WWOX: variants seen among roughly 807,000 people sequenced by gnomAD.
WWOX encodes the protein WW domain-containing oxidoreductase.
In WWOX, 69 loss-of-function variants were observed where a neutral mutation model predicts 46.2. The ratio of observed to expected loss-of-function variants is 1.49; its 90% CI spans 1.23 to 1.82. WWOX has a LOEUF of 1.82. Ranked by LOEUF, WWOX falls within the 40% of genes most tolerant of loss-of-function variation. The pLI is 0.00. For missense variants in WWOX, 919 were observed against 542.6 expected, an observed-to-expected ratio of 1.69 and a Z score of -6.89; for synonymous variants, 359 against 202.6, an observed-to-expected ratio of 1.77 and a Z score of -6.56.
At chr16:79,116,590 C>G (rs1302581432) in intron 8 of WWOX, among the ~76,000 whole-genome samples, 2 of 152,188 alleles carry the variant, frequency 1.3e-5, no homozygotes, top group Non-Finnish European at 2.9e-5. Flanking sequence ...AATTTAGTCA[C>G]ATCATCAGGC....
intron 8 of WWOX, among the ~76,000 whole-genome samples, chr16:78,672,887 C>T (rs1333369597): frequency 6.6e-6 from 1 of 152,142 alleles, no homozygotes; most frequent in African/African-American, 2.4e-5. Flanking sequence ...AAAAGTAAAG[C>T]AATACATCCT....
chr16:78,897,420 A>G (rs1266805652), intron 8 of WWOX: 2 of 151,946 alleles, frequency 1.3e-5, no homozygotes, highest in Non-Finnish European at 2.9e-5. Flanking sequence ...TAGAAATCAT[A>G]CCTACTGCTT....
intron 8 of WWOX, among the ~76,000 whole-genome samples, chr16:79,177,122 C>T (rs11645061): frequency 6.6e-6 from 1 of 152,228 alleles, no homozygotes; most frequent in African/African-American, 2.4e-5. Context: ...ACAAGTCCTT[C>T]TGAGGCACTG....
intron 8 of WWOX, among the ~76,000 whole-genome samples, chr16:78,660,194 T>C (rs1290800997): frequency 6.6e-6 from 1 of 152,182 alleles, no homozygotes; most frequent in Non-Finnish European, 1.5e-5. Flanking sequence ...AATTACAGGT[T>C]ATATAAAATA....
intron 8 of WWOX, among the ~76,000 whole-genome samples, chr16:78,817,132 A>G (rs944948116): frequency 1.9e-5 from 2 of 103,088 alleles, no homozygotes; most frequent in Admixed American, 1.0e-4. Context: ...TTGCTTAAAC[A>G]TTTTCCTGTT....
chr16:79,074,628 G>C (rs1040983171), intron 8 of WWOX, among the ~76,000 whole-genome samples: 2 of 151,572 alleles, frequency 1.3e-5, no homozygotes, highest in African/African-American at 4.8e-5. Flanking sequence ...AAGAACCTAA[G>C]AGTCTCCATG....
intron 8 of WWOX, among the ~76,000 whole-genome samples, chr16:78,679,105 G>A (rs1186921248): frequency 6.6e-6 from 1 of 152,212 alleles, no homozygotes; most frequent in Non-Finnish European, 1.5e-5. Flanking sequence ...CAGTTACTCT[G>A]TGGAGACACC....
intron 8 of WWOX, among the ~76,000 whole-genome samples, chr16:78,787,653 C>T (rs2050491061): frequency 6.6e-6 from 1 of 152,156 alleles, no homozygotes; most frequent in African/African-American, 2.4e-5. Context: ...TTTCTGCAAA[C>T]TCCTGTTTTC....
chr16:78,535,490 C>G (rs976561958), intron 8 of WWOX: 4 of 152,244 alleles, frequency 2.6e-5, no homozygotes, highest in African/African-American at 9.7e-5. Context: ...CCTTTGGCGC[C>G]TTCCCCCTCC....
chr16:78,814,867 G>A (rs1184415061), intron 8 of WWOX, among the ~76,000 whole-genome samples: 1 of 152,186 alleles, frequency 6.6e-6, no homozygotes, highest in Non-Finnish European at 1.5e-5. Context: ...TCTCTCGCGT[G>A]CGGTCTGTGC....
chr16:78,949,239 G>C (rs1000698093), intron 8 of WWOX, among the ~76,000 whole-genome samples: 8 of 152,272 alleles, frequency 5.3e-5, no homozygotes, highest in African/African-American at 1.9e-4. Flanking sequence ...ACCTGAAACA[G>C]GAAACCCACC....
At chr16:78,402,187 T>C (rs4534858) in intron 6 of WWOX, among the ~76,000 whole-genome samples, 2,981 of 152,350 alleles carry the variant, frequency 0.02, 57 homozygotes, top group Non-Finnish European at 0.031. Context: ...TTTCTATCTC[T>C]ACCTGTTTGC....
chr16:78,359,013 T>G (rs950582682), intron 5 of WWOX, among the ~76,000 whole-genome samples: 1 of 152,116 alleles, frequency 6.6e-6, no homozygotes. Flanking sequence ...GATTCTGTTT[T>G]CCATTTTTTC....
At chr16:79,019,728 G>T (rs1436725429) in intron 8 of WWOX, among the ~76,000 whole-genome samples, 1 of 151,994 alleles carries the variant, frequency 6.6e-6, no homozygotes, top group Non-Finnish European at 1.5e-5. Flanking sequence ...GCAGACCTCT[G>T]GGTCTTGGTT....
intron 8 of WWOX, among the ~76,000 whole-genome samples, chr16:78,935,469 G>C (rs1245623920): frequency 2.0e-5 from 3 of 152,050 alleles, no homozygotes; most frequent in Non-Finnish European, 4.4e-5. Context: ...CATGGATGAA[G>C]CTGGAAACCA....
At chr16:78,257,056 C>G (rs1160493464) in intron 5 of WWOX, among the ~76,000 whole-genome samples, 1 of 152,080 alleles carries the variant, frequency 6.6e-6, no homozygotes, top group East Asian at 1.9e-4. Context: ...TCGCAGCAAT[C>G]AGAAGGAATG....
At chr16:78,447,885 C>A (rs542797287) in intron 8 of WWOX, among the ~76,000 whole-genome samples, 1 of 152,286 alleles carries the variant, frequency 6.6e-6, no homozygotes, top group East Asian at 1.9e-4. Flanking sequence ...CTTTCTACAA[C>A]GTCCACCTCC....
chr16:78,888,880 G>T (rs552429228), intron 8 of WWOX, among the ~76,000 whole-genome samples: 2 of 151,586 alleles, frequency 1.3e-5, no homozygotes, highest in African/African-American at 4.9e-5. Flanking sequence ...CTGTTTACTC[G>T]ATCTAATTTC....
intron 4 of WWOX, among the ~76,000 whole-genome samples, chr16:78,122,851 C>A (rs900209305): frequency 6.6e-6 from 1 of 152,136 alleles, no homozygotes; most frequent in Admixed American, 6.5e-5. Flanking sequence ...GTGATCCGCC[C>A]ACCTTGGCCT....
Sources: gnomAD v4.1 joint callset for allele counts (sites outside exome capture counted in the v4.1 genomes callset) on GRCh38, gnomAD v4.1.1 for gene constraint, MANE v1.5 for transcripts, NCBI Gene and HGNC (gene_info 2026-07-23, HGNC 2026-07-21) for gene names.